CLIP2: variants seen among roughly 807,000 people sequenced by gnomAD.
The protein encoded by CLIP2 is CAP-Gly domain-containing linker protein 2.
CLIP2 carries 41 observed loss-of-function variants against 111.7 expected under a neutral mutation model. The ratio of observed to expected loss-of-function variants is 0.37; its 90% CI spans 0.29 to 0.48. CLIP2 has a LOEUF of 0.48. Ranked by LOEUF, CLIP2 falls within the 20% of genes least tolerant of loss-of-function variation. CLIP2 has a pLI of 0.99. For synonymous variants in CLIP2, 660 were observed against 644.2 expected (o/e 1.02, Z -0.37); for missense variants, 1,160 against 1,422.1 (o/e 0.82, Z 2.96).
intron 9 of CLIP2, among the ~76,000 whole-genome samples, chr7:74,373,458 A>G (rs1790693752): frequency 6.6e-6 from 1 of 152,184 alleles, no homozygotes; most frequent in Non-Finnish European, 1.5e-5. Flanking sequence ...AGATCGTGCC[A>G]CTGCACTCCA....
At chr7:74,337,991 C>T (rs1312351613) in intron 2 of CLIP2, among the ~76,000 whole-genome samples, 3 of 152,104 alleles carry the variant, frequency 2.0e-5, no homozygotes, top group African/African-American at 7.2e-5. Flanking sequence ...CAAGACCACA[C>T]AGCCAACCAT....
At chr7:74,371,490 A>G (rs1554311839) in intron 8 of CLIP2, among the ~76,000 whole-genome samples, 1 of 146,884 alleles carries the variant, frequency 6.8e-6, no homozygotes, top group Non-Finnish European at 1.5e-5. Flanking sequence ...TCTTGTTGGC[A>G]CTGGAACACA....
chr7:74,379,175 A>G (rs1482791516), intron 10 of CLIP2, among the ~76,000 whole-genome samples: 1 of 152,078 alleles, frequency 6.6e-6, no homozygotes, highest in Non-Finnish European at 1.5e-5. Flanking sequence ...CAGAAAGCCC[A>G]TCTCCTGGCC....
At chr7:74,389,824 G>A (rs1310057069) in intron 13 of CLIP2, among the ~76,000 whole-genome samples, 3 of 151,762 alleles carry the variant, frequency 2.0e-5, no homozygotes, top group Non-Finnish European at 2.9e-5. Flanking sequence ...CCTTGAACCC[G>A]AGAGGAGGAG....
At chr7:74,383,470 T>G (rs188159129) in intron 11 of CLIP2, among the ~76,000 whole-genome samples, 8 of 152,370 alleles carry the variant, frequency 5.3e-5, no homozygotes, top group Admixed American at 5.2e-4. Context: ...CTGGCATGGC[T>G]TGTTCTTCTC....
intron 1 of CLIP2, 24 bp from the exon 2 acceptor site, chr7:74,317,456 G>C: frequency 7.7e-7 from 1 of 1,306,054 alleles, no homozygotes; most frequent in South Asian, 2.7e-5. Context: ...GTGATGATGT[G>C]ATCTCTCCTG....
intron 8 of CLIP2, among the ~76,000 whole-genome samples, chr7:74,371,085 A>G (rs1255778261): frequency 6.6e-6 from 1 of 152,042 alleles, no homozygotes; most frequent in Non-Finnish European, 1.5e-5. Flanking sequence ...TCTACTCAAA[A>G]ATACAAAAGT....
intron 1 of CLIP2, among the ~76,000 whole-genome samples, chr7:74,301,413 C>T (rs1188091608): frequency 1.3e-5 from 2 of 152,136 alleles, no homozygotes; most frequent in Admixed American, 1.3e-4. Context: ...GACGGAGTCT[C>T]GCTCTTGTTG....
intron 6 of CLIP2, among the ~76,000 whole-genome samples, chr7:74,357,699 T>G (rs1790188308): frequency 1.3e-5 from 2 of 152,154 alleles, no homozygotes; most frequent in African/African-American, 4.8e-5. Context: ...ACTTTCAGAA[T>G]CTGGTTACAA....
intron 3 of CLIP2, among the ~76,000 whole-genome samples, chr7:74,348,084 G>A (rs1789856689): frequency 6.6e-6 from 1 of 151,982 alleles, no homozygotes; most frequent in South Asian, 2.1e-4. Flanking sequence ...GGAGAATGAG[G>A]CCGTAGAATT....
chr7:74,380,148 G>C (rs1397215494), intron 10 of CLIP2: 1 of 152,092 alleles, frequency 6.6e-6, no homozygotes, highest in Non-Finnish European at 1.5e-5. Context: ...CCAGACTCTG[G>C]CTGGCTCGGA....
At chr7:74,398,338 G>A (rs973808602) in intron 14 of CLIP2, among the ~76,000 whole-genome samples, 6 of 151,628 alleles carry the variant, frequency 4.0e-5, no homozygotes, top group African/African-American at 7.3e-5. Flanking sequence ...CAGCCTGGGC[G>A]ACAGAGTGAG....
intron 3 of CLIP2, among the ~76,000 whole-genome samples, chr7:74,347,232 G>C (rs1554306491): frequency 1.3e-5 from 2 of 152,058 alleles, no homozygotes; most frequent in Non-Finnish European, 2.9e-5. Context: ...GGGGTCCCAG[G>C]CAGGAGGGAC....
rs782170386 is a variant in CLIP2, at chr7:74,338,462, A to G, written c.136A>G (p.Lys46Glu). 6.2e-7 allele frequency: 1 copy of G among 1,612,932 alleles called. No individual in the cohort carries two copies. Among genetic ancestry groups the G allele is most frequent in the Non-Finnish European group, 8.5e-7 (1 of 1,179,796 alleles). ...ASSKEGSPLH[K>E]QSSGPSSSPA... Reference sequence around the variant, plus strand: ...CTTCTCTGCAGGCTCCCCACTGCACAAACAGTCATCTGGACCCTCCTCCTC... The same window carrying G: ...CTTCTCTGCAGGCTCCCCACTGCACGAACAGTCATCTGGACCCTCCTCCTC... The change falls in exon 3 of 17, where the codon AAA becomes GAA. Residue 46 changes from lysine to glutamate, a missense_variant. Transcript: ENST00000223398. The surrounding 1 kb of genome is among the most constrained non-coding windows in gnomAD (Gnocchi z 4.3).
At chr7:74,334,537 G>C (rs1554731793) in intron 2 of CLIP2, among the ~76,000 whole-genome samples, 1 of 152,098 alleles carries the variant, frequency 6.6e-6, no homozygotes, top group Non-Finnish European at 1.5e-5. Flanking sequence ...AAGCACAGAG[G>C]GCAGGTAGAA....
intron 2 of CLIP2, among the ~76,000 whole-genome samples, chr7:74,322,181 G>A (rs1788976264): frequency 6.6e-6 from 1 of 151,334 alleles, no homozygotes; most frequent in South Asian, 2.1e-4. Flanking sequence ...TGGAGAGACG[G>A]CGTTTCACCA....
chr7:74,292,868 C>G (rs80313628), intron 1 of CLIP2, among the ~76,000 whole-genome samples: 1,842 of 152,314 alleles, frequency 0.012, 39 homozygotes, highest in African/African-American at 0.042. Flanking sequence ...TTCTACCCAC[C>G]CTCTTCGGGT....
chr7:74,325,586 C>G (rs1043518359), intron 2 of CLIP2, among the ~76,000 whole-genome samples: 2 of 152,186 alleles, frequency 1.3e-5, no homozygotes, highest in African/African-American at 2.4e-5. Flanking sequence ...AATCCCAGCA[C>G]TTTGAGAGGC....
At position 74,362,781 on chromosome 7, in the gene CLIP2, C is replaced by T. The variant is rs150705799; in HGVS notation, c.1320-1474C>T. 4.1e-3 allele frequency among the ~76,000 whole-genome samples: 625 copies of T among 152,092 alleles called. 7 individuals carry two copies. Among genetic ancestry groups the T allele is most frequent in the African/African-American group, 0.014 (592 of 41,514 alleles). ...AACTCCTGGACTCAAGTGATCCACC[C>T]GCCTCGGCCTCCCAAAGTGCTGGGA... On this transcript the variant is annotated intron_variant, in intron 7 of 16. Transcript: ENST00000223398.
Sources: gnomAD v4.1 joint callset for allele counts (sites outside exome capture counted in the v4.1 genomes callset) on GRCh38, gnomAD v4.1.1 for gene constraint, Gnocchi (gnomAD v3.1) non-coding constraint, MANE v1.5 for transcripts, NCBI Gene and HGNC (gene_info 2026-07-23, HGNC 2026-07-21) for gene names.